The following KLHL7 variants were observed in gnomAD, a reference collection of about 807,000 sequenced individuals.
The protein encoded by KLHL7 is kelch-like protein 7.
Under a neutral mutation model 67.4 loss-of-function variants are expected in KLHL7, and 44 were observed. The ratio of observed to expected loss-of-function variants is 0.65; its 90% CI spans 0.51 to 0.84. KLHL7 has a LOEUF of 0.84. KLHL7 is among the 40% of genes least tolerant of loss of function. The pLI is 0.00. For synonymous variants in KLHL7, 252 were observed against 243.3 expected, an observed-to-expected ratio of 1.04 and a Z score of -0.33; for missense variants, 362 against 718.1, an observed-to-expected ratio of 0.50 and a Z score of 5.67.
At chr7:23,141,772 G>A (rs1252733926) in intron 5 of KLHL7, among the ~76,000 whole-genome samples, 8 of 151,968 alleles carry the variant, frequency 5.3e-5, no homozygotes, top group Admixed American at 3.3e-4. Context: ...ACTGGTGCCC[G>A]CCACCGTGCC....
At chr7:23,166,952 AGTTATTTTTG>A (rs1469848378) in intron 8 of KLHL7, among the ~76,000 whole-genome samples, 3 of 152,116 alleles carry the variant, frequency 2.0e-5, no homozygotes, top group Non-Finnish European at 4.4e-5. Context: ...GTTAAAAATA[AGTTATTTTTG>A]GTCATGACCA....
At chr7:23,166,086 T>A in intron 8 of KLHL7, 148 bp downstream of exon 8, 1 of 934,800 alleles carries the variant, frequency 1.1e-6, no homozygotes, top group Non-Finnish European at 1.6e-6. Context: ...AGAGCTCATC[T>A]CCCTGAAGGT....
intron 7 of KLHL7, among the ~76,000 whole-genome samples, chr7:23,156,583 T>A (rs181851528): frequency 2.6e-5 from 4 of 152,334 alleles, no homozygotes; most frequent in Non-Finnish European, 5.9e-5. Context: ...CTTGGCTTCA[T>A]ACGGTGGAGA....
chr7:23,152,144 C>A lies in KLHL7; in HGVS notation c.871C>A (p.His291Asn). The A allele has an allele frequency of 6.2e-7, 1 of 1,613,872 alleles. No homozygotes were observed. Among genetic ancestry groups the A allele is most frequent in the Non-Finnish European group, 8.5e-7 (1 of 1,179,796 alleles). The change falls in exon 7 of 11, where the codon CAT becomes AAT. Residue 291 changes from histidine to asparagine, a missense_variant. Physicochemically the swap from His to Asn is moderately conservative, Grantham distance 68. This residue lies in a region of KLHL7 where 155 missense variants were observed against 280.8 expected (regional missense o/e 0.55). Coordinates refer to ENST00000339077, the MANE Select transcript of KLHL7 (RefSeq NM_001031710.3). ...VDGTRPRRKKHDYRIALFGGS... is the reference protein window; with the variant it reads ...VDGTRPRRKKNDYRIALFGGS... ...TGGCACAAGACCTAGAAGAAAGAAA[C>A]ATGACTACCGCATAGCCCTATTTGG...
intron 4 of KLHL7, chr7:23,129,681 G>C (rs2128461666): frequency 6.2e-6 from 1 of 161,678 alleles, no homozygotes; most frequent in Admixed American, 6.5e-5. Flanking sequence ...CAGTTATCAA[G>C]AGACTGAAGA....
At chr7:23,169,463 G>T (rs1279050346) in intron 9 of KLHL7, among the ~76,000 whole-genome samples, 3 of 151,948 alleles carry the variant, frequency 2.0e-5, no homozygotes, top group African/African-American at 7.3e-5. Context: ...CCTTTTATGT[G>T]AACCTCTACC....
At chr7:23,114,840 G>A (rs535931116) in intron 1 of KLHL7, among the ~76,000 whole-genome samples, 2 of 152,258 alleles carry the variant, frequency 1.3e-5, no homozygotes, top group East Asian at 3.9e-4. Flanking sequence ...CTCTCTAGAT[G>A]TTCTGTGGTG....
intron 6 of KLHL7, among the ~76,000 whole-genome samples, chr7:23,146,515 T>C (rs1784359365): frequency 6.6e-6 from 1 of 152,190 alleles, no homozygotes; most frequent in Non-Finnish European, 1.5e-5. Context: ...TGATCTCATG[T>C]TGTTTTTATA....
Position 23,151,326 on chromosome 7 carries a change from A to T in KLHL7, c.794-741A>T, listed in dbSNP as rs147900311. On this transcript the variant is annotated intron_variant, in intron 6 of 10. Transcript: ENST00000339077. The stretch of plus-strand genomic sequence containing the variant: ...ATCCTCCTTTCCCACACTGATTTGA[A>T]ATGATACTTTAACAGTTTTTGATTG... 5.7e-3 allele frequency among the ~76,000 whole-genome samples: 870 copies of T among 152,272 alleles called. 9 individuals are homozygous for T. The highest frequency in any genetic ancestry group is 0.02 in the African/African-American group (813 of 41,544).
intron 1 of KLHL7, among the ~76,000 whole-genome samples, chr7:23,118,409 A>G (rs1451998500): frequency 6.6e-6 from 1 of 152,220 alleles, no homozygotes; most frequent in Non-Finnish European, 1.5e-5. Context: ...TTACCCACCC[A>G]GTCTGAGGCA....
intron 4 of KLHL7, among the ~76,000 whole-genome samples, chr7:23,128,997 T>C (rs1475257810): frequency 6.6e-6 from 1 of 152,214 alleles, no homozygotes; most frequent in Non-Finnish European, 1.5e-5. Flanking sequence ...GATGGGTGAA[T>C]GTTTGAATTG....
At chr7:23,146,255 A>T (rs142168786) in intron 6 of KLHL7, among the ~76,000 whole-genome samples, 1 of 152,286 alleles carries the variant, frequency 6.6e-6, no homozygotes, top group East Asian at 1.9e-4. Flanking sequence ...CTAGGTACTT[A>T]GTATCTCCAA....
At chr7:23,106,296 G>T in intron 1 of KLHL7, 150 bp downstream of exon 1, 3 of 1,512,918 alleles carry the variant, frequency 2.0e-6, no homozygotes, top group East Asian at 2.5e-5. Flanking sequence ...GAGCGATTCC[G>T]CAGTTGGTAG....
At chr7:23,173,213 G>A (rs1005634728) in intron 10 of KLHL7, among the ~76,000 whole-genome samples, 168 bp downstream of exon 10, 1 of 152,098 alleles carries the variant, frequency 6.6e-6, no homozygotes, top group Non-Finnish European at 1.5e-5. Context: ...ATCGCAGGAT[G>A]TTAAACATTC....
At chr7:23,143,570 C>T (rs1784260072) in intron 5 of KLHL7, among the ~76,000 whole-genome samples, 2 of 134,752 alleles carry the variant, frequency 1.5e-5, no homozygotes, top group Admixed American at 7.1e-5. Context: ...ATGTCTTTGT[C>T]TGAAAAGGAA....
chr7:23,124,921 A>T (rs769570950), intron 3 of KLHL7, 127 bp from the exon 4 acceptor site: 1 of 1,087,998 alleles, frequency 9.2e-7, no homozygotes, highest in Non-Finnish European at 1.4e-6. Flanking sequence ...ATCCTATGCC[A>T]TACTAATTCA....
intron 4 of KLHL7, among the ~76,000 whole-genome samples, chr7:23,138,980 G>A (rs942461867): frequency 1.3e-5 from 2 of 151,794 alleles, no homozygotes; most frequent in African/African-American, 4.8e-5. Flanking sequence ...CCTGGGGTAG[G>A]GTTACCATAA....
rs779914955 is a variant in KLHL7 at position 23,125,150 on chromosome 7, AGTT to A, written c.422_424del (p.Val141del). 2.5e-6 allele frequency: 4 copies of A among 1,613,532 alleles called. No homozygotes were observed. Among genetic ancestry groups the A allele is most frequent in the Non-Finnish European group, 3.4e-6 (4 of 1,179,584 alleles). ...TGTGTGTTGATTTTTTGAAAGAACA[AGTT>A]GATGCTTCAAATTGTCTTGGTAAGA... On this transcript the variant is annotated inframe_deletion, in exon 4 of 11. Coordinates refer to ENST00000339077, the MANE Select transcript of KLHL7 (RefSeq NM_001031710.3).
At chr7:23,113,668 TA>T in intron 1 of KLHL7, among the ~76,000 whole-genome samples, 1 of 152,104 alleles carries the variant, frequency 6.6e-6, no homozygotes. Flanking sequence ...CCGTCTCTAC[TA>T]AAAATACAAA....
Sources: gnomAD v4.1 joint callset for allele counts (sites outside exome capture counted in the v4.1 genomes callset) on GRCh38, gnomAD v4.1.1 for gene constraint, gnomAD v4.1.1 regional missense constraint, MANE v1.5 for transcripts, NCBI Gene and HGNC (gene_info 2026-07-23, HGNC 2026-07-21) for gene names.